SMG6: variants seen among roughly 807,000 people sequenced by gnomAD.
SMG6 encodes the protein SMG6 nonsense mediated mRNA decay factor.
In SMG6, 66 loss-of-function variants were observed where a neutral mutation model predicts 142.2. That is an observed-to-expected ratio of 0.46 (90% CI 0.38 to 0.57). The LOEUF is 0.57. SMG6 is among the 20% of genes least tolerant of loss of function. The pLI, the probability that SMG6 is intolerant of heterozygous loss-of-function variation, is 0.00. For synonymous variants in SMG6, 779 were observed against 702.4 expected (o/e 1.11, Z -1.72); for missense variants, 1,793 against 1,832.0 (o/e 0.98, Z 0.39).
intron 13 of SMG6, among the ~76,000 whole-genome samples, chr17:2,096,133 C>G (rs1263533078): frequency 6.6e-6 from 1 of 152,122 alleles, no homozygotes; most frequent in African/African-American, 2.4e-5. Flanking sequence ...CCTCAAATAA[C>G]TGGGCTCAAG....
At chr17:2,298,177 A>G in intron 2 of SMG6, 122 bp from the exon 3 acceptor site, 1 of 801,598 alleles carries the variant, frequency 1.2e-6, no homozygotes, top group South Asian at 1.9e-5. Flanking sequence ...GTGACCAGGT[A>G]GGTATACTAC....
Position 2,221,130 on chromosome 17 carries a change from A to G in SMG6, c.2869+15362T>C, listed in dbSNP as rs187076040. 1.2e-3 allele frequency among the ~76,000 whole-genome samples: 181 copies of G among 152,310 alleles called. 2 individuals are homozygous for G. The highest frequency in any genetic ancestry group is 1.7e-3 in the Non-Finnish European group (116 of 68,032). On this transcript the variant is annotated intron_variant, in intron 10 of 18. Coordinates refer to ENST00000263073, the MANE Select transcript of SMG6 (RefSeq NM_017575.5). ...TAGAAATTTACTTTCCAGAGCCCCA[A>G]TGATATTTACTCCAGGGTTAAGAGC...
chr17:2,185,544 G>C (rs28505924), intron 12 of SMG6, among the ~76,000 whole-genome samples: 51,666 of 151,442 alleles, frequency 0.34, 9,266 homozygotes, highest in African/African-American at 0.46. Flanking sequence ...ACTGATCTAC[G>C]TAAATACACC....
intron 9 of SMG6, 88 bp downstream of exon 9, chr17:2,244,570 G>A (rs1460776173): frequency 3.1e-5 from 32 of 1,039,508 alleles, no homozygotes; most frequent in Non-Finnish European, 4.3e-5. Flanking sequence ...TGTGCCCTCA[G>A]TTACAAACAC....
intron 13 of SMG6, among the ~76,000 whole-genome samples, chr17:2,137,732 G>A (rs565109680): frequency 6.6e-6 from 1 of 152,224 alleles, no homozygotes; most frequent in South Asian, 2.1e-4. Context: ...AAAGTCTTTG[G>A]CTCTATAGAT....
chr17:2,215,616 C>T (rs1053749620), intron 10 of SMG6: 6 of 152,110 alleles, frequency 3.9e-5, no homozygotes, highest in Middle Eastern at 3.4e-3. Context: ...AGGGTGAAGC[C>T]GCAGCAGGGT....
At chr17:2,279,990 C>T (rs1393209131) in intron 8 of SMG6, among the ~76,000 whole-genome samples, 2 of 152,158 alleles carry the variant, frequency 1.3e-5, no homozygotes, top group Admixed American at 6.5e-5. Context: ...ACTTACCACA[C>T]GGAACTATAA....
intron 13 of SMG6, among the ~76,000 whole-genome samples, chr17:2,159,426 T>TCAAA (rs750411888): frequency 5.0e-4 from 76 of 152,128 alleles, no homozygotes; most frequent in Non-Finnish European, 8.8e-4. Flanking sequence ...AGACTCTGTC[T>TCAAA]CAAACAAACA....
intron 13 of SMG6, among the ~76,000 whole-genome samples, chr17:2,112,402 G>GA (rs1175576469): frequency 6.6e-6 from 1 of 151,406 alleles, no homozygotes; most frequent in Admixed American, 6.6e-5. Flanking sequence ...CAGCTACTCG[G>GA]GAGGCTGAGG....
chr17:2,103,585 A>G (rs1014994416), intron 13 of SMG6, among the ~76,000 whole-genome samples: 2 of 152,154 alleles, frequency 1.3e-5, no homozygotes, highest in Admixed American at 1.3e-4. Context: ...TGTTTTAATC[A>G]CCTGTTTAGT....
At chr17:2,079,343 G>T (rs890672131) in intron 15 of SMG6, among the ~76,000 whole-genome samples, 2 of 152,176 alleles carry the variant, frequency 1.3e-5, no homozygotes, top group African/African-American at 2.4e-5. Context: ...CAGAATTTCT[G>T]GGAAAACAGA....
At chr17:2,167,231 G>C (rs749335021) in intron 13 of SMG6, among the ~76,000 whole-genome samples, 33 of 148,836 alleles carry the variant, frequency 2.2e-4, no homozygotes, top group Non-Finnish European at 4.5e-4. Context: ...AACAAATAAT[G>C]CAATAGAAGA....
At chr17:2,273,100 G>A (rs2074574081) in intron 8 of SMG6, among the ~76,000 whole-genome samples, 1 of 152,132 alleles carries the variant, frequency 6.6e-6, no homozygotes, top group African/African-American at 2.4e-5. Context: ...CAGGGAAAAT[G>A]TGTATTAGAT....
At position 2,299,837 on chromosome 17, in the gene SMG6, C is replaced by T. The variant is rs772740895; in HGVS notation, c.916G>A (p.Glu306Lys). ...VSVSSTDSLDEDRIDEPDGLG... is the reference protein window; with the variant it reads ...VSVSSTDSLDKDRIDEPDGLG... ...CCATCAGGCTCATCAATTCTGTCCTCGTCTAAGGAATCGGTTGAGGACACA... is the reference window on the plus strand; with the variant it reads ...CCATCAGGCTCATCAATTCTGTCCTTGTCTAAGGAATCGGTTGAGGACACA... Residue 306 changes from glutamate to lysine, a missense_variant, in exon 2 of 19, where the codon GAG becomes AAG. Around this residue, in one of 3 missense-constraint regions of SMG6, gnomAD observed 1,597 missense variants for 1,584.6 expected, o/e 1.01. Coordinates refer to ENST00000263073, the MANE Select transcript of SMG6 (RefSeq NM_017575.5). This position sits in a 1 kb window ranked among gnomAD's most constrained non-coding sequence, Gnocchi z 4.3. 5 of 1,614,032 alleles carry T rather than the reference C, an allele frequency of 3.1e-6. No individual in the cohort carries two copies. In the African/African-American group the frequency reaches 4.0e-5, roughly 13 times the overall value.
chr17:2,189,886 C>G (rs150113322), intron 10 of SMG6, among the ~76,000 whole-genome samples: 125 of 152,046 alleles, frequency 8.2e-4, no homozygotes, highest in African/African-American at 2.9e-3. Flanking sequence ...TCCCACCAAC[C>G]TTCCAGATGC....
chr17:2,146,396 A>G (rs928874256), intron 13 of SMG6, among the ~76,000 whole-genome samples: 4 of 152,196 alleles, frequency 2.6e-5, no homozygotes, highest in African/African-American at 9.7e-5. Context: ...AGATGAACAG[A>G]TATGAGTAAG....
chr17:2,173,004 G>C (rs1195265855), intron 12 of SMG6, 145 bp from the exon 13 acceptor site: 4 of 764,406 alleles, frequency 5.2e-6, no homozygotes, highest in African/African-American at 1.7e-5. Context: ...AAAAATGCTA[G>C]GAAACAAAAC....
At chr17:2,162,517 G>GAAAAAAAAAAAAAAAAAA (rs56092903) in intron 13 of SMG6, among the ~76,000 whole-genome samples, 1 of 60,636 alleles carries the variant, frequency 1.6e-5, no homozygotes, top group Non-Finnish European at 3.1e-5. Context: ...CCCCATCTCA[G>GAAAAAAAAAAAAAAAAAA]AAAAAAAAAA....
chr17:2,102,134 G>C (rs2069025091), intron 13 of SMG6, among the ~76,000 whole-genome samples: 1 of 152,136 alleles, frequency 6.6e-6, no homozygotes, highest in Non-Finnish European at 1.5e-5. Flanking sequence ...AAATTACTGA[G>C]CCCTGTCTGC....
Sources: gnomAD v4.1 joint callset for allele counts (sites outside exome capture counted in the v4.1 genomes callset) on GRCh38, gnomAD v4.1.1 for gene constraint, gnomAD v4.1.1 regional missense constraint, Gnocchi (gnomAD v3.1) non-coding constraint, MANE v1.5 for transcripts, NCBI Gene and HGNC (gene_info 2026-07-23, HGNC 2026-07-21) for gene names.